The following SLC12A6 variants were observed in gnomAD, a reference collection of about 807,000 sequenced individuals.
SLC12A6 encodes solute carrier family 12 member 6, also known as K-Cl cotransporter 3.
Under a neutral mutation model 135.3 loss-of-function variants are expected in SLC12A6, and 66 were observed. The ratio of observed to expected loss-of-function variants is 0.49; its 90% CI spans 0.40 to 0.60. The LOEUF is 0.60. Among genes scored for constraint, SLC12A6 ranks in the 20% least tolerant of loss-of-function variants. The pLI, the probability that SLC12A6 is intolerant of heterozygous loss-of-function variation, is 0.00. For missense variants in SLC12A6, 1,058 were observed against 1,452.3 expected (o/e 0.73, Z 4.41); for synonymous variants, 513 against 508.8 (o/e 1.01, Z -0.11).
chr15:34,256,574 G>A (rs776724698), intron 6 of SLC12A6, among the ~76,000 whole-genome samples: 2 of 152,172 alleles, frequency 1.3e-5, no homozygotes, highest in African/African-American at 2.4e-5. Flanking sequence ...ATAGAGCATA[G>A]TATACTCAAA....
chr15:34,279,408 T>G (rs1894522163), intron 2 of SLC12A6, among the ~76,000 whole-genome samples: 1 of 152,118 alleles, frequency 6.6e-6, no homozygotes, highest in Non-Finnish European at 1.5e-5. Flanking sequence ...GTGAACCCAC[T>G]AGAATGAAAC....
chr15:34,320,920 T>G (rs1889043443), intron 2 of SLC12A6, among the ~76,000 whole-genome samples: 1 of 143,392 alleles, frequency 7.0e-6, no homozygotes, highest in Admixed American at 6.8e-5. Flanking sequence ...AAAAAATAAA[T>G]ACAATAAAAT....
At chr15:34,311,649 C>A (rs1314557828) in intron 2 of SLC12A6, among the ~76,000 whole-genome samples, 2 of 152,176 alleles carry the variant, frequency 1.3e-5, no homozygotes, top group Non-Finnish European at 2.9e-5. Context: ...CACTTATTCA[C>A]CAGCCTCAGA....
intron 22 of SLC12A6, chr15:34,237,190 G>C (rs1206506822): frequency 2.0e-6 from 1 of 491,786 alleles, no homozygotes; most frequent in African/African-American, 1.9e-5. Flanking sequence ...AGAAATATAA[G>C]GGCTGTGTAA....
intron 2 of SLC12A6, among the ~76,000 whole-genome samples, chr15:34,312,167 A>G (rs188784314): frequency 1.3e-5 from 2 of 150,754 alleles, no homozygotes; most frequent in East Asian, 1.9e-4. Flanking sequence ...AAGTCACTCA[A>G]GTAATAATTA....
At chr15:34,248,377 T>C (rs1363301789) in intron 13 of SLC12A6, among the ~76,000 whole-genome samples, 1 of 152,186 alleles carries the variant, frequency 6.6e-6, no homozygotes, top group Non-Finnish European at 1.5e-5. Flanking sequence ...GAAGTGGAAA[T>C]GCTGAGTCAT....
chr15:34,280,886 A>G (rs1029316808), intron 2 of SLC12A6, among the ~76,000 whole-genome samples: 5 of 152,224 alleles, frequency 3.3e-5, no homozygotes, highest in Admixed American at 1.3e-4. Context: ...ATAGCAACGT[A>G]GATGGAACTG....
intron 2 of SLC12A6, among the ~76,000 whole-genome samples, chr15:34,285,251 G>A (rs1264908814): frequency 2.0e-5 from 3 of 152,172 alleles, no homozygotes; most frequent in Non-Finnish European, 2.9e-5. Context: ...AAAGATAATG[G>A]TAGTATGGAT....
intron 3 of SLC12A6, among the ~76,000 whole-genome samples, chr15:34,272,338 C>CA (rs938410595): frequency 5.3e-5 from 8 of 151,892 alleles, no homozygotes; most frequent in East Asian, 1.9e-4. Flanking sequence ...GAAAATACAA[C>CA]AAAAAAAATC....
At chr15:34,236,287 G>A (rs757015467) in intron 23 of SLC12A6, 88 bp from the exon 24 acceptor site, 48 of 901,572 alleles carry the variant, frequency 5.3e-5, no homozygotes, top group Non-Finnish European at 8.4e-5. Context: ...ATGGGTTATA[G>A]TGGAATAACT....
chr15:34,254,252 G>A, intron 9 of SLC12A6, 96 bp downstream of exon 9: 1 of 1,277,776 alleles, frequency 7.8e-7, no homozygotes, highest in Non-Finnish European at 1.1e-6. Context: ...AAATCTCAGA[G>A]AGACTCTATG....
At chr15:34,264,190 TGTTAAAACCA>T (rs1328032362) in intron 3 of SLC12A6, among the ~76,000 whole-genome samples, 1 of 152,220 alleles carries the variant, frequency 6.6e-6, no homozygotes, top group South Asian at 2.1e-4. Flanking sequence ...AATCAATGGT[TGTTAAAACCA>T]TTAGGTGAAA....
At chr15:34,265,304 A>G (rs112027239) in intron 3 of SLC12A6, among the ~76,000 whole-genome samples, 1,815 of 152,168 alleles carry the variant, frequency 0.012, 15 homozygotes, top group Middle Eastern at 0.037. Flanking sequence ...TGGGTCCTAG[A>G]GATATAGCAG....
chr15:34,239,044 C>T lies in SLC12A6; in HGVS notation c.2553G>A (p.Met851Ile). 1 of 1,614,216 alleles carries T rather than the reference C, an allele frequency of 6.2e-7. No homozygotes were observed. The highest frequency in any genetic ancestry group is 8.5e-7 in the Non-Finnish European group (1 of 1,180,020). The change falls in exon 20 of 26, where the codon ATG (methionine) becomes ATA (isoleucine). Residue 851 changes from methionine to isoleucine, a missense_variant. Met to Ile is a conservative substitution (Grantham distance 10, BLOSUM62 1). Around this residue, in one of 6 missense-constraint regions of SLC12A6, gnomAD observed 245 missense variants for 440.8 expected, o/e 0.56. Coordinates refer to ENST00000354181, the MANE Select transcript of SLC12A6 (RefSeq NM_001365088.1). ...HLIQSCGLGG[M>I]KHNTVVMGWP... ...AGCCCATCACCACCGTGTTGTGCTT[C>T]ATGCCCCCAAGGCCACATGACTGGA... is the stretch of plus-strand genomic sequence containing the variant.
rs1453376673 is a variant in SLC12A6, at chr15:34,230,718, G to A, written c.*3163C>T. On this transcript the variant is annotated 3_prime_UTR_variant, in exon 26 of 26. Coordinates refer to ENST00000354181, the MANE Select transcript of SLC12A6 (RefSeq NM_001365088.1). ...ATTGCTTTATTTGCAGTGATTAAAAGAGATGAGAGACTTTGGAGACAGACA... is the reference window on the plus strand; with the variant it reads ...ATTGCTTTATTTGCAGTGATTAAAAAAGATGAGAGACTTTGGAGACAGACA... The A allele has an allele frequency of 1.3e-5, 2 of 151,396 alleles. No individual in the cohort carries two copies. Among genetic ancestry groups the A allele is most frequent in the Non-Finnish European group, 3.0e-5 (2 of 67,734 alleles). 9.4% of individuals were successfully genotyped at this position (151,396 alleles called of 1,614,324 possible).
At chr15:34,305,171 G>A (rs347853) in intron 2 of SLC12A6, among the ~76,000 whole-genome samples, 13,347 of 152,086 alleles carry the variant, frequency 0.088, 1,987 homozygotes, top group African/African-American at 0.3. Flanking sequence ...GTGAATCCTT[G>A]GAGCTCAAAA....
Position 34,236,081 on chromosome 15 carries a change from T to TGCAAAAG in SLC12A6, c.3160_3161insCTTTTGC (p.Tyr1054SerfsTer22). The TGCAAAAG allele has an allele frequency of 6.2e-7, 1 of 1,613,938 alleles. No individual in the cohort carries two copies. Among genetic ancestry groups the TGCAAAAG allele is most frequent in the Non-Finnish European group, 8.5e-7 (1 of 1,179,756 alleles). ...CGCTTTTTGTCCCCGGGATGCCATG[T>TGCAAAAG]ACTTGTCTTTTGTCCAAGTCATGTG... is the stretch of plus-strand genomic sequence containing the variant. On this transcript the variant is annotated frameshift_variant, in exon 24 of 26. Transcript: ENST00000354181. LOFTEE classifies it high-confidence loss of function.
At chr15:34,235,381 AC>A in intron 24 of SLC12A6, 67 bp from the exon 25 acceptor site, 2 of 1,367,404 alleles carry the variant, frequency 1.5e-6, no homozygotes, top group Non-Finnish European at 2.1e-6. Flanking sequence ...AACGTTAAAA[AC>A]TTGAGATCCT....
chr15:34,333,258 C>G (rs1475600725), intron 2 of SLC12A6, among the ~76,000 whole-genome samples: 5 of 138,290 alleles, frequency 3.6e-5, no homozygotes, highest in African/African-American at 1.4e-4. Context: ...GAGACAGAGT[C>G]TCGCTCTGTC....
Sources: allele counts gnomAD v4.1 joint callset (sites outside exome capture counted in the v4.1 genomes callset), GRCh38; gene constraint gnomAD v4.1.1; regional missense constraint gnomAD v4.1.1; transcripts MANE v1.5; gene names NCBI Gene and HGNC (gene_info 2026-07-23, HGNC 2026-07-21).